Variants in TSHZ2 observed in about 807,000 individuals in gnomAD.
The protein encoded by TSHZ2 is teashirt homolog 2.
In TSHZ2, 21 loss-of-function variants were observed where a neutral mutation model predicts 74.4. The ratio of observed to expected loss-of-function variants is 0.28; its 90% CI spans 0.20 to 0.41. The LOEUF (loss-of-function observed/expected upper bound fraction) is 0.41, where lower values mean the gene tolerates loss of function less well. Ranked by LOEUF, TSHZ2 falls within the 10% of genes least tolerant of loss-of-function variation. TSHZ2 has a pLI of 1.00. For missense variants in TSHZ2, 1,244 were observed against 1,293.5 expected, an observed-to-expected ratio of 0.96 and a Z score of 0.59; for synonymous variants, 540 against 515.3, an observed-to-expected ratio of 1.05 and a Z score of -0.65.
chr20:53,088,237 A>G (rs181840258), intron 1 of TSHZ2, among the ~76,000 whole-genome samples: 1 of 152,348 alleles, frequency 6.6e-6, no homozygotes, highest in African/African-American at 2.4e-5. Flanking sequence ...AACTTACTAT[A>G]TATGAAGCAC....
intron 1 of TSHZ2, among the ~76,000 whole-genome samples, chr20:52,995,915 C>T (rs1982169593): frequency 6.6e-6 from 1 of 152,128 alleles, no homozygotes; most frequent in Non-Finnish European, 1.5e-5. Context: ...AGCCATTGTG[C>T]CCGGCCAAGG....
intron 2 of TSHZ2, among the ~76,000 whole-genome samples, chr20:53,442,413 ACTGT>A (rs1185901496): frequency 1.3e-5 from 2 of 152,150 alleles, no homozygotes; most frequent in South Asian, 2.1e-4. Context: ...TCGAAGCTGC[ACTGT>A]CTAATTTTTC....
At chr20:53,187,120 C>T (rs1410203523) in intron 1 of TSHZ2, among the ~76,000 whole-genome samples, 1 of 152,112 alleles carries the variant, frequency 6.6e-6, no homozygotes, top group African/African-American at 2.4e-5. Flanking sequence ...AGATACAGGA[C>T]AGTGATAATG....
intron 1 of TSHZ2, among the ~76,000 whole-genome samples, chr20:53,018,266 T>C (rs1328782453): frequency 2.0e-5 from 3 of 152,172 alleles, no homozygotes; most frequent in Non-Finnish European, 4.4e-5. Flanking sequence ...AGAGAAAGTG[T>C]CTTTTTCCTG....
In TSHZ2 at chr20:53,074,118, A is replaced by C. The variant is rs1383143136; in HGVS notation, c.40+100785A>C. ...TACAACTGTCTCTCACCTTCATGAC[A>C]TCCTTGGTGAACTCTTATGTATCTT... On this transcript the variant is annotated intron_variant, in intron 1 of 2. Coordinates refer to ENST00000371497, the MANE Select transcript of TSHZ2 (RefSeq NM_173485.6). The surrounding 1 kb of genome is among the most constrained non-coding windows in gnomAD (Gnocchi z 5.9). Among the ~76,000 whole-genome samples the C allele has an allele frequency of 6.6e-6, 1 of 152,220 alleles. No individual in the cohort carries two copies. Among genetic ancestry groups the C allele is most frequent in the Non-Finnish European group, 1.5e-5 (1 of 68,028 alleles).
chr20:53,010,516 C>T (rs1455609478), intron 1 of TSHZ2, among the ~76,000 whole-genome samples: 2 of 152,000 alleles, frequency 1.3e-5, no homozygotes. Context: ...TTTATGTGTG[C>T]CCAGCCTGTG....
chr20:53,456,542 G>A (rs1338158731), intron 2 of TSHZ2, among the ~76,000 whole-genome samples: 9 of 109,354 alleles, frequency 8.2e-5, no homozygotes, highest in Admixed American at 6.6e-4. Flanking sequence ...CTTTTGCTGT[G>A]CAGAAGCTCT....
chr20:53,071,485 A>G (rs1985173038), intron 1 of TSHZ2, among the ~76,000 whole-genome samples: 1 of 152,202 alleles, frequency 6.6e-6, no homozygotes, highest in Non-Finnish European at 1.5e-5. Context: ...AAGTTACCCA[A>G]AGAGTCAAAG....
At chr20:53,131,322 G>T (rs139743369) in intron 1 of TSHZ2, among the ~76,000 whole-genome samples, 64 of 152,308 alleles carry the variant, frequency 4.2e-4, no homozygotes, top group Non-Finnish European at 6.3e-4. Context: ...TTATTAAGAA[G>T]CAACAGCCTT....
At chr20:53,150,701 A>G (rs990058743) in intron 1 of TSHZ2, among the ~76,000 whole-genome samples, 7 of 151,964 alleles carry the variant, frequency 4.6e-5, no homozygotes, top group African/African-American at 1.7e-4. Context: ...GAAGGAGGAG[A>G]GGAAGGAAGG....
Position 53,149,915 on chromosome 20 carries a change from A to C in TSHZ2, c.41-103584A>C, listed in dbSNP as rs888105297. Among the ~76,000 whole-genome samples the C allele has an allele frequency of 1.3e-5, 2 of 152,212 alleles. 1 individual carries two copies. On this transcript the variant is annotated intron_variant, in intron 1 of 2. Coordinates refer to ENST00000371497, the MANE Select transcript of TSHZ2 (RefSeq NM_173485.6). ...CCTCTTGGCATGAAGTCCGTCACCAAATGGATCTCCAGGGATCAGGGAATA... is the reference window on the plus strand; with the variant it reads ...CCTCTTGGCATGAAGTCCGTCACCACATGGATCTCCAGGGATCAGGGAATA...
At chr20:53,051,494 C>CACACACA (rs1234256850) in intron 1 of TSHZ2, among the ~76,000 whole-genome samples, 1 of 147,798 alleles carries the variant, frequency 6.8e-6, no homozygotes, top group East Asian at 2.0e-4. Flanking sequence ...CACACACACA[C>CACACACA]AATTCAGGTG....
chr20:53,394,859 C>CA (rs1005992034), intron 2 of TSHZ2, among the ~76,000 whole-genome samples: 2,303 of 44,062 alleles, frequency 0.052, 227 homozygotes, highest in African/African-American at 0.12. Flanking sequence ...CAGAACTCAC[C>CA]AAAAAAAAAA....
intron 1 of TSHZ2, among the ~76,000 whole-genome samples, chr20:53,051,457 G>GCACACACACACACACACACACA (rs11474223): frequency 2.1e-5 from 3 of 145,100 alleles, no homozygotes; most frequent in Non-Finnish European, 3.0e-5. Context: ...TGTGGCGCAC[G>GCACACACACACACACACACACA]CACACACACA....
intron 2 of TSHZ2, among the ~76,000 whole-genome samples, chr20:53,327,923 G>A (rs957966221): frequency 1.3e-5 from 2 of 152,364 alleles, no homozygotes; most frequent in African/African-American, 2.4e-5. Flanking sequence ...AGCCCAAGGC[G>A]AGAGTGCACT....
chr20:53,149,786 CTG>C (rs1336134430), intron 1 of TSHZ2, among the ~76,000 whole-genome samples: 1 of 152,214 alleles, frequency 6.6e-6, no homozygotes, highest in Admixed American at 6.5e-5. Flanking sequence ...CGAGGCAAAA[CTG>C]AGACCTGCTG....
intron 2 of TSHZ2, among the ~76,000 whole-genome samples, chr20:53,259,276 T>G (rs1600773794): frequency 6.6e-6 from 1 of 152,360 alleles, no homozygotes; most frequent in East Asian, 1.9e-4. Context: ...CCTATCAATG[T>G]TTTTTGAAAG....
chr20:53,190,108 T>TAG (rs1988696044), intron 1 of TSHZ2, among the ~76,000 whole-genome samples: 1 of 73,588 alleles, frequency 1.4e-5, no homozygotes, highest in Non-Finnish European at 2.5e-5. Flanking sequence ...TATATATATA[T>TAG]ATATATATAT....
intron 2 of TSHZ2, among the ~76,000 whole-genome samples, chr20:53,413,305 G>C (rs2145701348): frequency 6.6e-6 from 1 of 152,352 alleles, no homozygotes; most frequent in South Asian, 2.1e-4. Context: ...TGCTGCAGAT[G>C]TCTCCGCCAG....
Sources: allele counts gnomAD v4.1 joint callset (sites outside exome capture counted in the v4.1 genomes callset), GRCh38; gene constraint gnomAD v4.1.1; non-coding constraint Gnocchi (gnomAD v3.1); transcripts MANE v1.5; gene names NCBI Gene and HGNC (gene_info 2026-07-23, HGNC 2026-07-21).